PIP4K2A: variants seen among roughly 807,000 people sequenced by gnomAD.
The protein encoded by PIP4K2A is phosphatidylinositol-5-phosphate 4-kinase type 2 alpha.
In PIP4K2A, 14 loss-of-function variants were observed where a neutral mutation model predicts 42.9. That is an observed-to-expected ratio of 0.33 (90% CI 0.22 to 0.51). PIP4K2A has a LOEUF of 0.51. PIP4K2A is among the 20% of genes least tolerant of loss of function. The pLI, the probability that PIP4K2A is intolerant of heterozygous loss-of-function variation, is 0.97. For synonymous variants in PIP4K2A, 192 were observed against 192.2 expected (o/e 1.00, Z 0.01); for missense variants, 434 against 519.8 (o/e 0.83, Z 1.61).
chr10:22,691,712 C>A (rs939801691), intron 1 of PIP4K2A: 2 of 152,226 alleles, frequency 1.3e-5, no homozygotes, highest in Non-Finnish European at 2.9e-5. Flanking sequence ...CTGCTCCCAG[C>A]ACAAAACTTG....
intron 1 of PIP4K2A, among the ~76,000 whole-genome samples, chr10:22,711,110 G>T (rs1338114535): frequency 2.6e-5 from 4 of 152,076 alleles, no homozygotes; most frequent in African/African-American, 7.2e-5. Flanking sequence ...TTAAAAATTG[G>T]CACTGATCCA....
In PIP4K2A at chr10:22,705,426, T is replaced by TAAAAAAAAA. The variant is rs150254345; in HGVS notation, c.144+8748_144+8756dup. Among the ~76,000 whole-genome samples, 6 of 29,276 alleles carry TAAAAAAAAA rather than the reference T, an allele frequency of 2.0e-4. 2 individuals carry two copies. Among genetic ancestry groups the TAAAAAAAAA allele is most frequent in the Non-Finnish European group, 3.4e-4 (6 of 17,674 alleles). 19.2% of individuals were successfully genotyped at this position (29,276 alleles called of 152,430 possible). A position where few individuals can be genotyped will look rare whatever the true frequency, so the allele number is the denominator to read the frequency against. On this transcript the variant is annotated intron_variant, in intron 1 of 9. Coordinates refer to ENST00000376573, the MANE Select transcript of PIP4K2A (RefSeq NM_005028.5). ...TACGTATTATATTCAGTACCCCAGT[T>TAAAAAAAAA]AAAAAAAAAAAAAAAAAAAAAAAAA... is the stretch of plus-strand genomic sequence containing the variant.
At chr10:22,690,021 G>A (rs1158848846) in intron 1 of PIP4K2A, among the ~76,000 whole-genome samples, 1 of 152,112 alleles carries the variant, frequency 6.6e-6, no homozygotes, top group Non-Finnish European at 1.5e-5. Context: ...CTTGTCCAAA[G>A]ACATTTTATT....
chr10:22,617,320 G>A (rs1838197727), intron 1 of PIP4K2A, among the ~76,000 whole-genome samples: 2 of 152,236 alleles, frequency 1.3e-5, no homozygotes, highest in African/African-American at 4.8e-5. Context: ...GACCCAGCTG[G>A]TAACGGTTCT....
At position 22,573,400 on chromosome 10, in the gene PIP4K2A, G is replaced by C. The variant is rs997458208; in HGVS notation, c.550C>G (p.Leu184Val). The change falls in exon 5 of 10, where the codon CTT becomes GTT. Residue 184 changes from leucine to valine, a missense_variant. Physicochemically the swap from Leu to Val is conservative, Grantham distance 32. Coordinates refer to ENST00000376573, the MANE Select transcript of PIP4K2A (RefSeq NM_005028.5). ...TATATTTCAACTCCATCAACATTAA[G>C]CCGGTACATGCCCAAGAACTGGGGA... Reference protein sequence around the residue: ...LLPQFLGMYRLNVDGVEIYVI... With the variant: ...LLPQFLGMYRVNVDGVEIYVI... 24 of 1,613,576 alleles carry C rather than the reference G, an allele frequency of 1.5e-5. No individual in the cohort carries two copies. In the South Asian group the frequency reaches 2.6e-4, roughly 18 times the overall value.
intron 5 of PIP4K2A, among the ~76,000 whole-genome samples, chr10:22,572,604 C>CAAA (rs56245813): frequency 1.4e-5 from 2 of 145,392 alleles, no homozygotes; most frequent in African/African-American, 5.1e-5. Flanking sequence ...GACTCTTTCT[C>CAAA]AAAAAAAAAA....
At chr10:22,617,984 A>G (rs972272465) in intron 1 of PIP4K2A, among the ~76,000 whole-genome samples, 1 of 152,240 alleles carries the variant, frequency 6.6e-6, no homozygotes. Flanking sequence ...AGGGCCCAAC[A>G]GGAAGAAGTG....
At chr10:22,645,224 C>A (rs1182504365) in intron 1 of PIP4K2A, among the ~76,000 whole-genome samples, 1 of 152,146 alleles carries the variant, frequency 6.6e-6, no homozygotes, top group African/African-American at 2.4e-5. Flanking sequence ...TCACGTATAA[C>A]ACCACTAGTG....
chr10:22,541,298 G>T (rs1490543034), intron 8 of PIP4K2A, among the ~76,000 whole-genome samples: 1 of 152,202 alleles, frequency 6.6e-6, no homozygotes, highest in African/African-American at 2.4e-5. Context: ...CCCTGAGAGG[G>T]AGAGGGCTGT....
chr10:22,710,256 G>A (rs773772230), intron 1 of PIP4K2A, among the ~76,000 whole-genome samples: 7 of 152,116 alleles, frequency 4.6e-5, no homozygotes, highest in Non-Finnish European at 8.8e-5. Flanking sequence ...AAAGACCCAC[G>A]GATGTCCAGA....
intron 1 of PIP4K2A, among the ~76,000 whole-genome samples, chr10:22,692,026 C>G (rs1839881247): frequency 6.6e-6 from 1 of 151,916 alleles, no homozygotes; most frequent in Non-Finnish European, 1.5e-5. Flanking sequence ...GACTCAAGAC[C>G]ATTACCTTTA....
intron 1 of PIP4K2A, among the ~76,000 whole-genome samples, chr10:22,655,016 G>T (rs1839070706): frequency 6.6e-6 from 1 of 152,122 alleles, no homozygotes; most frequent in East Asian, 1.9e-4. Flanking sequence ...AAGGAGGGAG[G>T]ACCACCTGGG....
At chr10:22,572,154 CAG>C (rs1837004229) in intron 5 of PIP4K2A, among the ~76,000 whole-genome samples, 2 of 152,124 alleles carry the variant, frequency 1.3e-5, no homozygotes, top group African/African-American at 4.8e-5. Context: ...TGTCAGAGAC[CAG>C]AGTTTGGCAA....
At chr10:22,559,693 T>G (rs1376427132) in intron 6 of PIP4K2A, among the ~76,000 whole-genome samples, 8 of 152,130 alleles carry the variant, frequency 5.3e-5, no homozygotes, top group African/African-American at 1.9e-4. Flanking sequence ...AATCTATATC[T>G]GGAATAGAGA....
chr10:22,606,145 C>CAAAA (rs5783802), intron 3 of PIP4K2A, among the ~76,000 whole-genome samples: 435 of 140,000 alleles, frequency 3.1e-3, no homozygotes, highest in East Asian at 5.1e-3. Flanking sequence ...CAATCTCTAC[C>CAAAA]AAAAAAAAAA....
Position 22,540,137 on chromosome 10 carries a change from T to TGAGG in PIP4K2A, c.1037-67_1037-64dup, listed in dbSNP as rs369533218. 5,038 of 759,358 alleles carry TGAGG rather than the reference T, an allele frequency of 6.6e-3. 206 individuals are homozygous for TGAGG. In the African/African-American group the frequency reaches 0.079, roughly 12 times the overall value. 47.0% of individuals were successfully genotyped at this position (759,358 alleles called of 1,614,324 possible). ...ACAACACCAGTGCCAGCATTGCTGCTGAGGGAGGGAGGGAGGGAGAAGTGA... is the reference window on the plus strand; with the variant it reads ...ACAACACCAGTGCCAGCATTGCTGCTGAGGGAGGGAGGGAGGGAGGGAGAAGTGA... On this transcript the variant is annotated intron_variant, in intron 8 of 9. Transcript: ENST00000376573.
At chr10:22,628,446 A>C (rs181139606) in intron 1 of PIP4K2A, among the ~76,000 whole-genome samples, 27 of 152,360 alleles carry the variant, frequency 1.8e-4, no homozygotes, top group African/African-American at 6.3e-4. Context: ...TATACTCAGG[A>C]AACAGTAACG....
At position 22,680,118 on chromosome 10, in the gene PIP4K2A, T is replaced by G. The variant is rs1345032266; in HGVS notation, c.144+34065A>C. Among the ~76,000 whole-genome samples, 3 of 152,084 alleles carry G rather than the reference T, an allele frequency of 2.0e-5. No homozygotes were observed. The East Asian group carries it at 5.8e-4, about 29-fold the overall frequency. Reference sequence around the variant, plus strand: ...AAAGGATTCCTTTAAAAAAAAATACTCTAGCAAACCTAGAAACAAAAAATG... The same window carrying G: ...AAAGGATTCCTTTAAAAAAAAATACGCTAGCAAACCTAGAAACAAAAAATG... On this transcript the variant is annotated intron_variant, in intron 1 of 9. Coordinates refer to ENST00000376573, the MANE Select transcript of PIP4K2A (RefSeq NM_005028.5).
intron 1 of PIP4K2A, chr10:22,694,757 T>C (rs1288934488): frequency 2.0e-5 from 3 of 152,260 alleles, no homozygotes; most frequent in East Asian, 1.9e-4. Context: ...TGTGCTTTTG[T>C]ATCTTTTGTA....
Sources: allele counts gnomAD v4.1 joint callset (sites outside exome capture counted in the v4.1 genomes callset), GRCh38; gene constraint gnomAD v4.1.1; transcripts MANE v1.5; gene names NCBI Gene and HGNC (gene_info 2026-07-23, HGNC 2026-07-21).